TLL1: variants seen among roughly 807,000 people sequenced by gnomAD.
TLL1 encodes the protein tolloid like 1, also known as tolloid-like protein 1.
TLL1 carries 49 observed loss-of-function variants against 128.2 expected under a neutral mutation model. The ratio of observed to expected loss-of-function variants is 0.38; its 90% CI spans 0.30 to 0.48. The LOEUF (loss-of-function observed/expected upper bound fraction) is 0.48, where lower values mean the gene tolerates loss of function less well. TLL1 is among the 20% of genes least tolerant of loss of function. The probability of loss-of-function intolerance (pLI) is 0.96; values close to 1 mark genes in which losing one functional copy is unlikely to be tolerated. For synonymous variants in TLL1, 454 were observed against 418.8 expected, an observed-to-expected ratio of 1.08 and a Z score of -1.03; for missense variants, 1,123 against 1,242.0, an observed-to-expected ratio of 0.90 and a Z score of 1.44.
intron 9 of TLL1, among the ~76,000 whole-genome samples, chr4:166,032,436 C>T (rs1259366566): frequency 2.0e-5 from 3 of 151,958 alleles, no homozygotes; most frequent in Non-Finnish European, 4.4e-5. Context: ...GATAGAAAAA[C>T]ATTATGAAGC....
rs141980176 is a variant in TLL1, at chr4:165,910,139, T to A, written c.169+36066T>A. On this transcript the variant is annotated intron_variant, in intron 1 of 20. Coordinates refer to ENST00000061240, the MANE Select transcript of TLL1 (RefSeq NM_012464.5). ...AAACTTGGATACCAGTCCTGGCTGT[T>A]TCACTTTCGGAAAGCCTGGAAGCCA... Among the ~76,000 whole-genome samples, 97 of 152,258 alleles carry A rather than the reference T, an allele frequency of 6.4e-4. 1 individual carries two copies. The East Asian group carries it at 0.015, about 24-fold the overall frequency.
chr4:166,014,678 A>G, intron 8 of TLL1, 118 bp downstream of exon 8: 3 of 1,483,788 alleles, frequency 2.0e-6, no homozygotes, highest in Non-Finnish European at 2.8e-6. Flanking sequence ...AGTGACGTGT[A>G]CAGTTCAAAG....
intron 1 of TLL1, among the ~76,000 whole-genome samples, chr4:165,954,419 TTAATAA>T (rs1251767532): frequency 1.3e-5 from 2 of 152,072 alleles, no homozygotes; most frequent in Admixed American, 1.3e-4. Context: ...GACCACAAAC[TTAATAA>T]TAGTACTGGG....
intron 8 of TLL1, among the ~76,000 whole-genome samples, chr4:166,023,912 T>G (rs1738364357): frequency 6.7e-6 from 1 of 148,646 alleles, no homozygotes; most frequent in Admixed American, 6.6e-5. Flanking sequence ...TAATTATAGG[T>G]TTGGTTTTTT....
chr4:165,941,297 G>A (rs56818691), intron 1 of TLL1, among the ~76,000 whole-genome samples: 1,526 of 152,032 alleles, frequency 0.01, 27 homozygotes, highest in African/African-American at 0.035. Flanking sequence ...TTTGAGAAGG[G>A]GTAATTTTTC....
intron 15 of TLL1, among the ~76,000 whole-genome samples, chr4:166,061,834 G>A (rs1740330234): frequency 6.6e-6 from 1 of 151,852 alleles, no homozygotes; most frequent in African/African-American, 2.4e-5. Context: ...TTTCTTCTAG[G>A]GTTTTTGTGG....
chr4:166,063,069 GA>G (rs1267295783), intron 15 of TLL1, among the ~76,000 whole-genome samples: 1 of 152,084 alleles, frequency 6.6e-6, no homozygotes, highest in Non-Finnish European at 1.5e-5. Context: ...CAGAATGGGA[GA>G]AAATTTTTAC....
At chr4:166,063,927 A>G (rs946886026) in intron 15 of TLL1, among the ~76,000 whole-genome samples, 1 of 151,998 alleles carries the variant, frequency 6.6e-6, no homozygotes, top group Non-Finnish European at 1.5e-5. Flanking sequence ...GCATACCAAC[A>G]TGGCACGTGT....
At chr4:165,977,593 A>G (rs1348543060) in intron 1 of TLL1, among the ~76,000 whole-genome samples, 1 of 152,216 alleles carries the variant, frequency 6.6e-6, no homozygotes, top group Non-Finnish European at 1.5e-5. Context: ...CCCAAAATCT[A>G]AAGGAGAAAT....
At chr4:165,912,603 C>G (rs182145019) in intron 1 of TLL1, among the ~76,000 whole-genome samples, 2 of 152,212 alleles carry the variant, frequency 1.3e-5, no homozygotes, top group African/African-American at 4.8e-5. Context: ...CAGGCACAGC[C>G]TGATTAGAAT....
intron 9 of TLL1, among the ~76,000 whole-genome samples, chr4:166,034,690 A>G (rs1738918471): frequency 1.3e-5 from 2 of 152,182 alleles, no homozygotes; most frequent in Admixed American, 6.6e-5. Context: ...ATTATAGAAT[A>G]TCACCTATAG....
At chr4:165,885,895 T>C (rs1237320424) in intron 1 of TLL1, among the ~76,000 whole-genome samples, 1 of 152,178 alleles carries the variant, frequency 6.6e-6, no homozygotes, top group Non-Finnish European at 1.5e-5. Flanking sequence ...TATATCCTTA[T>C]ATTAATTAAT....
intron 18 of TLL1, among the ~76,000 whole-genome samples, chr4:166,087,446 G>A (rs1741576067): frequency 6.6e-6 from 1 of 152,030 alleles, no homozygotes; most frequent in African/African-American, 2.4e-5. Context: ...TTTTCCAGTG[G>A]CCTCTAATCC....
intron 15 of TLL1, among the ~76,000 whole-genome samples, chr4:166,063,380 T>C (rs1239065880): frequency 2.6e-5 from 4 of 152,184 alleles, no homozygotes; most frequent in Non-Finnish European, 2.9e-5. Flanking sequence ...GGAACACTTT[T>C]ACACTGTTGG....
At chr4:165,939,950 A>G (rs1019597710) in intron 1 of TLL1, among the ~76,000 whole-genome samples, 4 of 151,756 alleles carry the variant, frequency 2.6e-5, no homozygotes, top group African/African-American at 2.4e-5. Context: ...CTTTCCTTTG[A>G]TTTTCATTAC....
chr4:166,056,702 A>G (rs1293967340), intron 13 of TLL1, among the ~76,000 whole-genome samples: 1 of 152,130 alleles, frequency 6.6e-6, no homozygotes, highest in Admixed American at 6.6e-5. Flanking sequence ...TTCTGAAAAA[A>G]GGCTAGGCTT....
intron 1 of TLL1, among the ~76,000 whole-genome samples, chr4:165,984,920 G>A (rs531304652): frequency 6.6e-6 from 1 of 151,976 alleles, no homozygotes; most frequent in South Asian, 2.1e-4. Flanking sequence ...TAGTATTTTG[G>A]TTCTTAAAGC....
chr4:165,876,882 G>A (rs1423578873), intron 1 of TLL1, among the ~76,000 whole-genome samples: 3 of 152,212 alleles, frequency 2.0e-5, no homozygotes, highest in African/African-American at 4.8e-5. Flanking sequence ...TATAGGTGAA[G>A]CGAAGATCAT....
chr4:165,993,070 T>C (rs552654988), intron 3 of TLL1, 186 bp downstream of exon 3: 2 of 570,726 alleles, frequency 3.5e-6, no homozygotes, highest in African/African-American at 1.9e-5. Context: ...TTGGAATAAT[T>C]TGAAATGTTC....
Sources: gnomAD v4.1 joint callset for allele counts (sites outside exome capture counted in the v4.1 genomes callset) on GRCh38, gnomAD v4.1.1 for gene constraint, MANE v1.5 for transcripts, NCBI Gene and HGNC (gene_info 2026-07-23, HGNC 2026-07-21) for gene names.